The following TRDN variants were observed in gnomAD, a reference collection of about 807,000 sequenced individuals.
TRDN encodes the protein triadin in skeletal muscle.
Under a neutral mutation model 149.7 loss-of-function variants are expected in TRDN, and 161 were observed. That is an observed-to-expected ratio of 1.08 (90% CI 0.95 to 1.23). The LOEUF is 1.23. Ranked by LOEUF, TRDN falls within the 50% of genes most tolerant of loss-of-function variation. The pLI is 0.00. For missense variants in TRDN, 896 were observed against 823.5 expected, an observed-to-expected ratio of 1.09 and a Z score of -1.08; for synonymous variants, 294 against 250.5, an observed-to-expected ratio of 1.17 and a Z score of -1.64.
At chr6:123,346,343 A>G (rs1163013127) in intron 21 of TRDN, among the ~76,000 whole-genome samples, 1 of 152,054 alleles carries the variant, frequency 6.6e-6, no homozygotes, top group African/African-American at 2.4e-5. Context: ...ACACTTTTCA[A>G]ATGTCAAACT....
intron 1 of TRDN, among the ~76,000 whole-genome samples, chr6:123,577,279 C>G (rs1286797365): frequency 1.3e-5 from 2 of 151,888 alleles, no homozygotes; most frequent in African/African-American, 4.8e-5. Context: ...TATTTTTTTT[C>G]TGCTCCTGTC....
Position 123,266,185 on chromosome 6 carries a change from ATT to A in TRDN, c.1784-849_1784-848del, listed in dbSNP as rs1194195337. On this transcript the variant is annotated intron_variant, in intron 32 of 40. Transcript: ENST00000334268. ...ATAATATGTATTATATATTATATAT[ATT>A]ATAATATGTATTATATATTATATAT... 2.7e-4 allele frequency among the ~76,000 whole-genome samples: 25 copies of A among 93,720 alleles called. 1 individual carries two copies. The highest frequency in any genetic ancestry group is 3.7e-4 in the Admixed American group (2 of 5,366). The allele number at this position is 93,720 out of a possible 152,430, so 61.5% of individuals were successfully genotyped here. A position where few individuals can be genotyped will look rare whatever the true frequency, so the allele number is the denominator to read the frequency against.
At chr6:123,250,154 A>G (rs9401643) in intron 38 of TRDN, among the ~76,000 whole-genome samples, 44,895 of 151,982 alleles carry the variant, frequency 0.3, 7,341 homozygotes, top group East Asian at 0.64. Flanking sequence ...AAAGATCTCT[A>G]CAAGGAAAAC....
intron 7 of TRDN, among the ~76,000 whole-genome samples, chr6:123,510,834 G>A (rs529712618): frequency 2.0e-5 from 3 of 152,112 alleles, no homozygotes; most frequent in South Asian, 2.1e-4. Context: ...ACTAGAGACA[G>A]GATTTCACCA....
intron 24 of TRDN, among the ~76,000 whole-genome samples, chr6:123,284,483 C>A (rs996294763): frequency 6.6e-6 from 1 of 151,886 alleles, no homozygotes; most frequent in Admixed American, 6.6e-5. Context: ...GATTAAAACC[C>A]TCAGCAAAAT....
intron 12 of TRDN, among the ~76,000 whole-genome samples, chr6:123,423,352 A>G (rs1773987823): frequency 1.3e-5 from 2 of 152,246 alleles, no homozygotes; most frequent in South Asian, 4.1e-4. Context: ...TTTTCTTCCT[A>G]AGTCTCATTA....
intron 24 of TRDN, among the ~76,000 whole-genome samples, chr6:123,292,991 T>C (rs1778066235): frequency 6.6e-6 from 1 of 152,186 alleles, no homozygotes; most frequent in South Asian, 2.1e-4. Context: ...AATCACGATG[T>C]CACTGTTCAT....
At chr6:123,219,371 G>A (rs188597851) in intron 40 of TRDN, among the ~76,000 whole-genome samples, 27 of 151,944 alleles carry the variant, frequency 1.8e-4, no homozygotes, top group African/African-American at 6.3e-4. Context: ...CCAGGTAGCA[G>A]CTTTGGTAAA....
At chr6:123,269,406 G>A (rs1385152898) in intron 31 of TRDN, among the ~76,000 whole-genome samples, 15 of 151,858 alleles carry the variant, frequency 9.9e-5, no homozygotes, top group Admixed American at 9.9e-4. Flanking sequence ...AACAGTATAT[G>A]GTTCATAACA....
intron 24 of TRDN, among the ~76,000 whole-genome samples, chr6:123,286,634 C>T (rs191117629): frequency 6.6e-6 from 1 of 151,926 alleles, no homozygotes; most frequent in East Asian, 1.9e-4. Flanking sequence ...GAAGAACTTA[C>T]TCATGTAACC....
At chr6:123,335,863 A>G (rs141388011) in intron 22 of TRDN, among the ~76,000 whole-genome samples, 60 of 152,138 alleles carry the variant, frequency 3.9e-4, no homozygotes, top group African/African-American at 1.4e-3. Flanking sequence ...TGTGAACTCC[A>G]AATTATGTAT....
chr6:123,570,866 C>T (rs1204493801), intron 2 of TRDN, 57 bp downstream of exon 2: 16 of 1,530,610 alleles, frequency 1.0e-5, no homozygotes, highest in African/African-American at 1.4e-5. Flanking sequence ...GGAGGGGACA[C>T]TGTTTCTTTC....
At chr6:123,599,613 AT>A (rs914216890) in intron 1 of TRDN, among the ~76,000 whole-genome samples, 1 of 151,786 alleles carries the variant, frequency 6.6e-6, no homozygotes, top group Non-Finnish European at 1.5e-5. Flanking sequence ...CTAAATAAGC[AT>A]TATGTCCTGA....
chr6:123,578,223 A>G (rs1286706838), intron 1 of TRDN, among the ~76,000 whole-genome samples: 1 of 152,098 alleles, frequency 6.6e-6, no homozygotes, highest in African/African-American at 2.4e-5. Flanking sequence ...TATGTCCAGG[A>G]TGATATTGCC....
intron 9 of TRDN, among the ~76,000 whole-genome samples, chr6:123,476,375 G>A (rs1482080742): frequency 1.1e-5 from 1 of 94,648 alleles, no homozygotes; most frequent in East Asian, 3.1e-4. Flanking sequence ...CCTCTTCAAG[G>A]AGAACTACAA....
intron 8 of TRDN, among the ~76,000 whole-genome samples, chr6:123,499,719 A>AAAAAAAAAAAAAAAAAAAAAAAT: frequency 4.2e-5 from 2 of 47,678 alleles, no homozygotes; most frequent in Non-Finnish European, 9.0e-5. Flanking sequence ...AAAAAAAAAA[A>AAAAAAAAAAAAAAAAAAAAAAAT]ATATATATAT....
intron 1 of TRDN, among the ~76,000 whole-genome samples, chr6:123,579,754 AAG>A (rs1413546352): frequency 6.6e-6 from 1 of 152,126 alleles, no homozygotes; most frequent in Admixed American, 6.5e-5. Flanking sequence ...CCCACATGTC[AAG>A]AGAGAGACCA....
chr6:123,562,323 G>A (rs1328578041), intron 2 of TRDN, among the ~76,000 whole-genome samples: 1 of 152,212 alleles, frequency 6.6e-6, no homozygotes, highest in Non-Finnish European at 1.5e-5. Flanking sequence ...AGCATGTTTG[G>A]TGGTCTCTTC....
chr6:123,621,790 G>A (rs1456682038), intron 1 of TRDN, among the ~76,000 whole-genome samples: 1 of 152,146 alleles, frequency 6.6e-6, no homozygotes, highest in Non-Finnish European at 1.5e-5. Flanking sequence ...AAAAAAGCTG[G>A]TTCCCTGGAG....
Sources: gnomAD v4.1 joint callset for allele counts (sites outside exome capture counted in the v4.1 genomes callset) on GRCh38, gnomAD v4.1.1 for gene constraint, MANE v1.5 for transcripts, NCBI Gene and HGNC (gene_info 2026-07-23, HGNC 2026-07-21) for gene names.